Variants in PAICS observed in about 807,000 individuals in gnomAD.
PAICS encodes bifunctional phosphoribosylaminoimidazole carboxylase/phosphoribosylaminoimidazole succinocarboxamide synthetase.
A neutral mutation model predicts 53.7 loss-of-function variants in PAICS; 33 were observed. The ratio of observed to expected loss-of-function variants is 0.61; its 90% confidence interval spans 0.47 to 0.82. The LOEUF (loss-of-function observed/expected upper bound fraction) is 0.82, where lower values mean the gene tolerates loss of function less well. Ranked by LOEUF, PAICS falls within the 40% of genes least tolerant of loss-of-function variation. PAICS has a pLI of 0.00. For synonymous variants in PAICS, 141 were observed against 167.2 expected, an observed-to-expected ratio of 0.84 and a Z score of 1.21; for missense variants, 394 against 494.1, an observed-to-expected ratio of 0.80 and a Z score of 1.92.
chr4:56,422,689 T>C, the PAICS span: 20 of 152,218 alleles, frequency 1.3e-4, no homozygotes, highest in Admixed American at 1.2e-3. Flanking sequence ...GCCCTCATAA[T>C]GGGTTTTAGA....
the PAICS span, among the ~76,000 whole-genome samples, chr4:56,416,987 T>C: frequency 1.3e-5 from 2 of 152,138 alleles, no homozygotes; most frequent in East Asian, 3.8e-4. Context: ...CTAGCTGGGA[T>C]TACAGGAGCG....
In PAICS at chr4:56,457,285, C is replaced by T. The variant is rs1170894072; in HGVS notation, c.1112-2087C>T. Among the ~76,000 whole-genome samples the T allele has an allele frequency of 5.3e-5, 8 of 152,080 alleles. No individual in the cohort carries two copies. In the East Asian group the frequency reaches 5.8e-4, roughly 11 times the overall value. On this transcript the variant is annotated intron_variant, in intron 8 of 8. Coordinates refer to ENST00000512576, the MANE Select transcript of PAICS (RefSeq NM_001079524.2). ...AAAATTAGCTAGGCATGGTGGCACA[C>T]GCCTGTGGTCCCAGCTACTTGGGAA...
chr4:56,418,042 T>C, the PAICS span, among the ~76,000 whole-genome samples: 1 of 152,142 alleles, frequency 6.6e-6, no homozygotes, highest in Non-Finnish European at 1.5e-5. Flanking sequence ...TTTCACCATG[T>C]TGGCCAGGAT....
At chr4:56,452,986 T>C (rs1560663669) in intron 7 of PAICS, among the ~76,000 whole-genome samples, 1 of 152,124 alleles carries the variant, frequency 6.6e-6, no homozygotes, top group Non-Finnish European at 1.5e-5. Context: ...CTAGAACTCT[T>C]TTCAGAAAAT....
At chr4:56,438,203 G>GTGAATCCTGTGAATCCTGA (rs1263601049) in intron 1 of PAICS, among the ~76,000 whole-genome samples, 5 of 151,762 alleles carry the variant, frequency 3.3e-5, no homozygotes, top group African/African-American at 1.2e-4. Flanking sequence ...TGAATCCTTA[G>GTGAATCCTGTGAATCCTGA]CTATGTTCCA....
rs1378700483 is a variant in PAICS, at chr4:56,461,376, T to G, written c.*1838T>G. The G allele has an allele frequency of 6.6e-6, 1 of 152,226 alleles. No individual in the cohort carries two copies. Among genetic ancestry groups the G allele is most frequent in the African/African-American group, 2.4e-5 (1 of 41,458 alleles). The allele number at this position is 152,226 out of a possible 1,614,324, so 9.4% of individuals were successfully genotyped here. On this transcript the variant is annotated 3_prime_UTR_variant, in exon 9 of 9. Coordinates refer to ENST00000512576, the MANE Select transcript of PAICS (RefSeq NM_001079524.2). ...TAGAAGATTAACTTTGGTTTCATGG[T>G]CTCTGAAGTCACTGACTGCTATTTC...
chr4:56,453,793 AT>A, intron 8 of PAICS, 32 bp downstream of exon 8: 1 of 1,467,988 alleles, frequency 6.8e-7, no homozygotes, highest in Non-Finnish European at 9.3e-7. Context: ...AAAACTGTTC[AT>A]TACAAGCATT....
At chr4:56,449,883 G>A (rs1718813544) in intron 5 of PAICS, among the ~76,000 whole-genome samples, 1 of 151,124 alleles carries the variant, frequency 6.6e-6, no homozygotes, top group African/African-American at 2.4e-5. Flanking sequence ...GGCTGAGGCA[G>A]AGAATTGTTT....
At chr4:56,447,037 C>T (rs926554758) in intron 3 of PAICS, among the ~76,000 whole-genome samples, 164 bp downstream of exon 3, 3 of 149,354 alleles carry the variant, frequency 2.0e-5, no homozygotes, top group African/African-American at 7.4e-5. Context: ...CAATAATGTA[C>T]ACTTCCATTA....
chr4:56,456,568 C>T (rs1246537820), intron 8 of PAICS, among the ~76,000 whole-genome samples: 1 of 152,058 alleles, frequency 6.6e-6, no homozygotes, highest in African/African-American at 2.4e-5. Context: ...ACCATCACAC[C>T]TGGTTAATTT....
At chr4:56,424,888 T>C in the PAICS span, among the ~76,000 whole-genome samples, 1 of 152,204 alleles carries the variant, frequency 6.6e-6, no homozygotes, top group Non-Finnish European at 1.5e-5. Flanking sequence ...CAGTCACAGT[T>C]AAACCTATTT....
chr4:56,457,501 C>T (rs888341831), intron 8 of PAICS, among the ~76,000 whole-genome samples: 6 of 152,130 alleles, frequency 3.9e-5, no homozygotes, highest in Admixed American at 3.3e-4. Context: ...GATTTGAGGA[C>T]CTAGCTTCTT....
intron 8 of PAICS, among the ~76,000 whole-genome samples, chr4:56,454,059 C>T (rs1341541970): frequency 1.3e-5 from 2 of 152,186 alleles, no homozygotes; most frequent in East Asian, 1.9e-4. Flanking sequence ...CCAGTACTAT[C>T]TAAGCCACCA....
chr4:56,436,084 C>T (rs1717920410), upstream of PAICS: 1 of 1,480,198 alleles, frequency 6.8e-7, no homozygotes, highest in Non-Finnish European at 8.9e-7. Flanking sequence ...CGCGTCTCTG[C>T]GCCTGCGCGG....
At chr4:56,435,334 C>T (rs1187199641), upstream of PAICS, 2 of 1,613,382 alleles carry the variant, frequency 1.2e-6, no homozygotes, top group East Asian at 2.2e-5. Context: ...CCCGCCACCC[C>T]CACCCTGTTG....
chr4:56,445,786 T>G (rs1718584739), intron 2 of PAICS, among the ~76,000 whole-genome samples: 1 of 152,180 alleles, frequency 6.6e-6, no homozygotes, highest in East Asian at 1.9e-4. Flanking sequence ...TTGGAAATAG[T>G]AATGCAGGCT....
chr4:56,436,341 G>C lies in PAICS; in HGVS notation c.16+13G>C. 6.3e-7 allele frequency: 1 copy of C among 1,579,080 alleles called. No homozygotes were observed. Among genetic ancestry groups the C allele is most frequent in the African/African-American group, 1.3e-5 (1 of 74,188 alleles). On this transcript the variant is annotated intron_variant, in intron 1 of 8. Coordinates refer to ENST00000512576, the MANE Select transcript of PAICS (RefSeq NM_001079524.2). The stretch of plus-strand genomic sequence containing the variant: ...GCGACAGCTGAGGGTGAGTAACAGG[G>C]ATCCGGGCCCTTCACGGTCTCCCTG...
At chr4:56,434,690 A>G (rs1351562889), upstream of PAICS, among the ~76,000 whole-genome samples, 2 of 152,188 alleles carry the variant, frequency 1.3e-5, no homozygotes, top group Non-Finnish European at 2.9e-5. Flanking sequence ...ACGTCTACCA[A>G]TGAATCTTTT....
chr4:56,439,438 T>C (rs975335125), intron 1 of PAICS, among the ~76,000 whole-genome samples: 2 of 152,152 alleles, frequency 1.3e-5, no homozygotes, highest in Non-Finnish European at 2.9e-5. Flanking sequence ...GATTTTACCA[T>C]GTTGGTCAGC....
Sources: gnomAD v4.1 joint callset for allele counts (sites outside exome capture counted in the v4.1 genomes callset) on GRCh38, gnomAD v4.1.1 for gene constraint, MANE v1.5 for transcripts, NCBI Gene and HGNC (gene_info 2026-07-23, HGNC 2026-07-21) for gene names.